KIAA0825: variants seen among roughly 807,000 people sequenced by gnomAD.
KIAA0825 encodes uncharacterized protein KIAA0825.
Under a neutral mutation model 147.6 loss-of-function variants are expected in KIAA0825, and 119 were observed. The observed-to-expected ratio is 0.81, with a 90% CI of 0.69 to 0.94. The LOEUF (loss-of-function observed/expected upper bound fraction) is 0.94, where lower values mean the gene tolerates loss of function less well. Among genes scored for constraint, KIAA0825 ranks in the 40% least tolerant of loss-of-function variants. The pLI is 0.00. For synonymous variants in KIAA0825, 470 were observed against 518.1 expected (o/e 0.91, Z 1.26); for missense variants, 1,381 against 1,472.7 (o/e 0.94, Z 1.02).
chr5:94,462,675 A>G (rs1759982543), intron 11 of KIAA0825, 106 bp from the exon 12 acceptor site: 1 of 559,368 alleles, frequency 1.8e-6, no homozygotes, highest in African/African-American at 1.9e-5. Context: ...AGAATAGAAG[A>G]ATTCAGTTAG....
At chr5:94,276,313 AT>A (rs1777219038) in intron 20 of KIAA0825, among the ~76,000 whole-genome samples, 1 of 152,034 alleles carries the variant, frequency 6.6e-6, no homozygotes, top group South Asian at 2.1e-4. Flanking sequence ...TTTCTTTAAT[AT>A]TTACCTAGTG....
At chr5:94,285,938 C>A (rs1217322576) in intron 20 of KIAA0825, among the ~76,000 whole-genome samples, 1 of 152,074 alleles carries the variant, frequency 6.6e-6, no homozygotes, top group Non-Finnish European at 1.5e-5. Flanking sequence ...AGAAACTTTT[C>A]CAAATCAAAA....
chr5:94,276,985 A>G (rs1489588710), intron 20 of KIAA0825, among the ~76,000 whole-genome samples: 1 of 152,144 alleles, frequency 6.6e-6, no homozygotes, highest in Non-Finnish European at 1.5e-5. Flanking sequence ...AAGTTTGGAA[A>G]TAACTAAGCA....
At chr5:94,302,384 A>C (rs529222835) in intron 20 of KIAA0825, among the ~76,000 whole-genome samples, 1 of 152,214 alleles carries the variant, frequency 6.6e-6, no homozygotes, top group African/African-American at 2.4e-5. Context: ...AGAGGCAAAG[A>C]GTATTATATA....
In KIAA0825 at chr5:94,154,087, C is replaced by A; in HGVS notation, c.3748G>T (p.Glu1250Ter). 6.4e-7 allele frequency: 1 copy of A among 1,551,590 alleles called. No individual in the cohort carries two copies. Among genetic ancestry groups the A allele is most frequent in the African/African-American group, 1.4e-5 (1 of 73,164 alleles). ...MKKDETLEEE[E>*]KAILEHLKQI... is the part of the protein sequence containing the mutation. The stretch of plus-strand genomic sequence containing the variant: ...TTTAAGTGCTCCAGTATTGCTTTTT[C>A]TTCCTCTTCTAGTGTTTCATCCTTC... Residue 1250 changes from glutamate to a stop codon, truncating the protein, a stop_gained, in exon 21 of 21, where the codon GAA becomes TAA. Coordinates refer to ENST00000682413, the MANE Select transcript of KIAA0825 (RefSeq NM_001145678.3). LOFTEE classifies it high-confidence loss of function.
intron 2 of KIAA0825, among the ~76,000 whole-genome samples, chr5:94,574,184 G>A (rs1213561064): frequency 6.6e-6 from 1 of 152,116 alleles, no homozygotes; most frequent in Non-Finnish European, 1.5e-5. Flanking sequence ...CACAGTTGGA[G>A]ACATTTTAAT....
At chr5:94,614,857 C>G (rs1789978137) in intron 1 of KIAA0825, among the ~76,000 whole-genome samples, 1 of 152,092 alleles carries the variant, frequency 6.6e-6, no homozygotes, top group African/African-American at 2.4e-5. Flanking sequence ...ATTTATAAAG[C>G]ATTTTTCATA....
At chr5:94,517,721 ATAAAT>A (rs1167524996) in intron 5 of KIAA0825, among the ~76,000 whole-genome samples, 1 of 150,914 alleles carries the variant, frequency 6.6e-6, no homozygotes. Context: ...TTAAATTTAA[ATAAAT>A]TAAATTTATT....
intron 9 of KIAA0825, 109 bp downstream of exon 9, chr5:94,471,354 AATT>A (rs1304835012): frequency 6.7e-5 from 75 of 1,119,716 alleles, no homozygotes; most frequent in Non-Finnish European, 8.8e-5. Context: ...TCACCTTGTT[AATT>A]ATTATTTTCT....
intron 1 of KIAA0825, among the ~76,000 whole-genome samples, chr5:94,590,347 G>A (rs1333022156): frequency 6.6e-6 from 1 of 152,032 alleles, no homozygotes; most frequent in Non-Finnish European, 1.5e-5. Context: ...GTCTTTCTAT[G>A]GTGTCTGGTA....
At chr5:94,248,884 T>C (rs1775783175) in intron 20 of KIAA0825, among the ~76,000 whole-genome samples, 1 of 152,152 alleles carries the variant, frequency 6.6e-6, no homozygotes, top group Admixed American at 6.6e-5. Context: ...CAGCCTGCTA[T>C]GAACCATTGA....
chr5:94,368,987 G>A (rs1440925218), intron 20 of KIAA0825, among the ~76,000 whole-genome samples: 3 of 151,976 alleles, frequency 2.0e-5, no homozygotes, highest in South Asian at 4.2e-4. Flanking sequence ...GGGCAACATG[G>A]CAAAACCCCT....
chr5:94,209,995 G>A (rs1176272502), intron 20 of KIAA0825, among the ~76,000 whole-genome samples: 1 of 152,138 alleles, frequency 6.6e-6, no homozygotes, highest in Non-Finnish European at 1.5e-5. Flanking sequence ...CCACTGCTTC[G>A]ACATGATTTG....
chr5:94,326,398 T>C (rs1780695853), intron 20 of KIAA0825, among the ~76,000 whole-genome samples: 1 of 152,176 alleles, frequency 6.6e-6, no homozygotes, highest in African/African-American at 2.4e-5. Flanking sequence ...AAGCATTTAA[T>C]GTGATAGCTA....
chr5:94,413,260 A>AT (rs1352053358), intron 15 of KIAA0825: 2 of 152,084 alleles, frequency 1.3e-5, no homozygotes, highest in African/African-American at 2.4e-5. Context: ...GAGTATATGG[A>AT]TTTTTTAAGA....
chr5:94,487,925 C>G (rs1420295725), intron 5 of KIAA0825, among the ~76,000 whole-genome samples: 1 of 152,134 alleles, frequency 6.6e-6, no homozygotes, highest in Non-Finnish European at 1.5e-5. Context: ...TGCACTCCAA[C>G]CTGGGCCACA....
intron 14 of KIAA0825, among the ~76,000 whole-genome samples, chr5:94,434,274 A>G (rs1385736272): frequency 2.0e-5 from 3 of 152,222 alleles, no homozygotes; most frequent in African/African-American, 7.2e-5. Flanking sequence ...AGAGAGGATT[A>G]TTTTACATGG....
intron 3 of KIAA0825, among the ~76,000 whole-genome samples, chr5:94,533,946 T>C (rs1771450980): frequency 2.0e-5 from 3 of 152,144 alleles, no homozygotes; most frequent in African/African-American, 2.4e-5. Context: ...ATCACTGCTT[T>C]GGGGAGGCAA....
intron 20 of KIAA0825, among the ~76,000 whole-genome samples, chr5:94,163,537 TG>T (rs1767763881): frequency 6.6e-6 from 1 of 152,172 alleles, no homozygotes; most frequent in African/African-American, 2.4e-5. Flanking sequence ...AAAAAAGGGC[TG>T]TCATTTTAAT....
Sources: gnomAD v4.1 joint callset for allele counts (sites outside exome capture counted in the v4.1 genomes callset) on GRCh38, gnomAD v4.1.1 for gene constraint, MANE v1.5 for transcripts, NCBI Gene and HGNC (gene_info 2026-07-23, HGNC 2026-07-21) for gene names.